Variants in GALNTL6 observed in about 807,000 individuals in gnomAD.
GALNTL6 encodes the protein polypeptide N-acetylgalactosaminyltransferase-like 6.
A neutral mutation model predicts 73.7 loss-of-function variants in GALNTL6; 46 were observed. The observed-to-expected ratio is 0.62, with a 90% confidence interval of 0.49 to 0.80. The LOEUF (loss-of-function observed/expected upper bound fraction) is 0.80, where lower values mean the gene tolerates loss of function less well. Ranked by LOEUF, GALNTL6 falls within the 30% of genes least tolerant of loss-of-function variation. The probability of loss-of-function intolerance (pLI) is 0.00; values close to 1 mark genes in which losing one functional copy is unlikely to be tolerated. For missense variants in GALNTL6, 604 were observed against 755.0 expected, an observed-to-expected ratio of 0.80 and a Z score of 2.34; for synonymous variants, 259 against 263.7, an observed-to-expected ratio of 0.98 and a Z score of 0.17.
intron 5 of GALNTL6, among the ~76,000 whole-genome samples, chr4:172,417,277 T>C (rs574055051): frequency 1.6e-4 from 25 of 152,224 alleles, no homozygotes; most frequent in Non-Finnish European, 3.2e-4. Context: ...CACTTCACTA[T>C]CCAATGAAAG....
intron 2 of GALNTL6, among the ~76,000 whole-genome samples, chr4:171,852,948 GC>G (rs1735562016): frequency 1.3e-5 from 2 of 151,182 alleles, no homozygotes; most frequent in South Asian, 4.2e-4. Context: ...CTGGGTTCAC[GC>G]CGTTCGCCTG....
At position 172,809,366 on chromosome 4, in the gene GALNTL6, C is replaced by T. The variant is rs1161600412; in HGVS notation, c.559C>T (p.Leu187=). The T allele has an allele frequency of 6.2e-7, 1 of 1,613,210 alleles. No individual in the cohort carries two copies. The highest frequency in any genetic ancestry group is 8.5e-7 in the Non-Finnish European group (1 of 1,179,544). ...LVDDFSEREH[L]KDKLEEYMAR... is the part of the protein sequence containing the mutation. ...ATTCTCTACTTCCTACCTAGAACAC[C>T]TGAAGGATAAATTGGAAGAATACAT... The change falls in exon 6 of 13, where the codon CTG becomes TTG. Residue 187 remains leucine (L), a synonymous_variant. Transcript: ENST00000506823. This position sits in a 1 kb window ranked among gnomAD's most constrained non-coding sequence, Gnocchi z 4.4.
chr4:172,407,233 G>T (rs1744269253), intron 5 of GALNTL6, among the ~76,000 whole-genome samples: 1 of 151,944 alleles, frequency 6.6e-6, no homozygotes, highest in Non-Finnish European at 1.5e-5. Context: ...TATCCAATAT[G>T]CACTTCACAG....
chr4:172,790,428 G>C (rs1175854375), intron 5 of GALNTL6, among the ~76,000 whole-genome samples: 1 of 152,178 alleles, frequency 6.6e-6, no homozygotes, highest in South Asian at 2.1e-4. Context: ...CACACACACA[G>C]AGGAAAGAAC....
At chr4:171,890,142 T>C (rs140323441) in intron 2 of GALNTL6, among the ~76,000 whole-genome samples, 6 of 152,146 alleles carry the variant, frequency 3.9e-5, no homozygotes, top group African/African-American at 1.4e-4. Context: ...TCCATTTCCA[T>C]GTCTATACCA....
At chr4:171,871,209 T>A (rs1736126593) in intron 2 of GALNTL6, among the ~76,000 whole-genome samples, 1 of 152,112 alleles carries the variant, frequency 6.6e-6, no homozygotes, top group African/African-American at 2.4e-5. Flanking sequence ...CAGTACAGAA[T>A]CCTATATTTA....
intron 5 of GALNTL6, among the ~76,000 whole-genome samples, chr4:172,361,441 CAAAACA>C (rs1430417745): frequency 6.6e-6 from 1 of 151,944 alleles, no homozygotes; most frequent in African/African-American, 2.4e-5. Context: ...ATGTACATAG[CAAAACA>C]AAAACAAAAC....
At chr4:172,873,028 T>C (rs1213571586) in intron 7 of GALNTL6, among the ~76,000 whole-genome samples, 2 of 152,188 alleles carry the variant, frequency 1.3e-5, no homozygotes, top group Non-Finnish European at 2.9e-5. Context: ...AAAACAGAAA[T>C]CTGCATGTAT....
chr4:171,897,373 G>A (rs906706224), intron 2 of GALNTL6, among the ~76,000 whole-genome samples: 2 of 152,184 alleles, frequency 1.3e-5, no homozygotes, highest in South Asian at 4.1e-4. Flanking sequence ...AATATAAATT[G>A]TCAATGAGAA....
rs1225990847 is a variant in GALNTL6 at position 172,487,295 on chromosome 4, CTTCTGTCTTTCTTTCT to C, written c.553+138611_553+138626del. Among the ~76,000 whole-genome samples the C allele has an allele frequency of 7.1e-3, 582 of 81,516 alleles. 9 individuals carry two copies. The highest frequency in any genetic ancestry group is 0.038 in the East Asian group (110 of 2,928). 53.5% of individuals were successfully genotyped at this position (81,516 alleles called of 152,430 possible). On this transcript the variant is annotated intron_variant, in intron 5 of 12. Coordinates refer to ENST00000506823, the MANE Select transcript of GALNTL6 (RefSeq NM_001034845.3). Reference sequence around the variant, plus strand: ...TCCTCTTTCTTTCTTTCCTTCTTTCCTTCTGTCTTTCTTTCTTTCTTTCTTTCTTTCTTTCTTTCTT... The same window carrying C: ...TCCTCTTTCTTTCTTTCCTTCTTTCCTTCTTTCTTTCTTTCTTTCTTTCTT...
At chr4:172,921,614 G>A (rs1747792357) in intron 8 of GALNTL6, among the ~76,000 whole-genome samples, 1 of 151,972 alleles carries the variant, frequency 6.6e-6, no homozygotes, top group Non-Finnish European at 1.5e-5. Flanking sequence ...TAGCCAACAT[G>A]GTGAAACCTG....
At chr4:172,585,139 G>A (rs1224275495) in intron 5 of GALNTL6, among the ~76,000 whole-genome samples, 2 of 152,078 alleles carry the variant, frequency 1.3e-5, no homozygotes, top group South Asian at 4.2e-4. Context: ...GAAGTCTGGT[G>A]GAGAGGGGAT....
intron 8 of GALNTL6, among the ~76,000 whole-genome samples, chr4:172,928,095 G>A (rs1748151271): frequency 6.6e-6 from 1 of 152,198 alleles, no homozygotes; most frequent in Non-Finnish European, 1.5e-5. Flanking sequence ...ATAGTCCACT[G>A]CCAGTTTTGG....
intron 8 of GALNTL6, 36 bp from the exon 9 acceptor site, chr4:172,931,125 T>TCAC: frequency 9.1e-7 from 1 of 1,104,852 alleles, no homozygotes; most frequent in Non-Finnish European, 1.4e-6. Context: ...TGTGTGAAAT[T>TCAC]CACTGTTGTC....
intron 5 of GALNTL6, among the ~76,000 whole-genome samples, chr4:172,522,677 CCAA>C (rs766234134): frequency 6.4e-4 from 52 of 81,000 alleles, no homozygotes; most frequent in African/African-American, 2.0e-3. Context: ...CCCCCCCCCC[CCAA>C]AAAAAAAGTG....
At chr4:171,818,162 G>A (rs1734571555) in intron 2 of GALNTL6, among the ~76,000 whole-genome samples, 1 of 151,630 alleles carries the variant, frequency 6.6e-6, no homozygotes, top group Non-Finnish European at 1.5e-5. Context: ...TGTTTCAGCT[G>A]TATTTGCATT....
intron 7 of GALNTL6, among the ~76,000 whole-genome samples, chr4:172,874,056 A>G (rs923163980): frequency 3.9e-5 from 6 of 152,240 alleles, no homozygotes; most frequent in African/African-American, 1.4e-4. Context: ...GCTTTCCTGC[A>G]GTTTCAAGCA....
At chr4:172,234,489 T>C (rs115411516) in intron 3 of GALNTL6, among the ~76,000 whole-genome samples, 2 of 152,290 alleles carry the variant, frequency 1.3e-5, no homozygotes, top group Non-Finnish European at 1.5e-5. Context: ...CTTCTGAATC[T>C]GTTTTGCTGA....
chr4:172,960,317 A>G (rs949760494), intron 10 of GALNTL6, among the ~76,000 whole-genome samples: 1 of 152,232 alleles, frequency 6.6e-6, no homozygotes, highest in African/African-American at 2.4e-5. Flanking sequence ...CCTGTTTAAG[A>G]GGAAATTGCT....
Sources: allele counts gnomAD v4.1 joint callset (sites outside exome capture counted in the v4.1 genomes callset), GRCh38; gene constraint gnomAD v4.1.1; non-coding constraint Gnocchi (gnomAD v3.1); transcripts MANE v1.5; gene names NCBI Gene and HGNC (gene_info 2026-07-23, HGNC 2026-07-21).